The following PTCH1 variants were observed in gnomAD, a reference collection of about 807,000 sequenced individuals.
PTCH1 encodes the protein patched 1.
Under a neutral mutation model 144.6 loss-of-function variants are expected in PTCH1, and 14 were observed. The ratio of observed to expected loss-of-function variants is 0.10; its 90% CI spans 0.06 to 0.15. The LOEUF is 0.15. Ranked by LOEUF, PTCH1 falls within the 10% of genes least tolerant of loss-of-function variation. PTCH1 has a pLI of 1.00. For missense variants in PTCH1, 1,623 were observed against 1,948.3 expected (o/e 0.83, Z 3.14); for synonymous variants, 833 against 793.6 (o/e 1.05, Z -0.83).
chr9:95,479,661 G>A (rs1269866115), intron 7 of PTCH1, among the ~76,000 whole-genome samples: 2 of 152,188 alleles, frequency 1.3e-5, no homozygotes, highest in Non-Finnish European at 2.9e-5. Context: ...TCTCTGACCA[G>A]TGTGTCCCGG....
intron 2 of PTCH1, among the ~76,000 whole-genome samples, chr9:95,497,544 GT>G (rs1842871372): frequency 1.3e-5 from 2 of 152,178 alleles, no homozygotes; most frequent in Non-Finnish European, 2.9e-5. Context: ...CACGGAGGAG[GT>G]CATCTTGGAG....
Position 95,449,039 on chromosome 9 carries a change from C to A in PTCH1, c.3804+30G>T. 1 of 1,612,884 alleles carries A rather than the reference C, an allele frequency of 6.2e-7. No homozygotes were observed. Among genetic ancestry groups the A allele is most frequent in the Admixed American group, 1.7e-5 (1 of 60,008 alleles). ...AGGCCCACTACCACGGTGGGAAGAC[C>A]CCTCCCCCTGGTTCTGCAGAGTCAC... On this transcript the variant is annotated intron_variant, in intron 22 of 23. Coordinates refer to ENST00000331920, the MANE Select transcript of PTCH1 (RefSeq NM_000264.5). The surrounding 1 kb of genome is among the most constrained non-coding windows in gnomAD (Gnocchi z 5.3).
In PTCH1 at chr9:95,476,010, C is replaced by T; in HGVS notation, c.1728+24G>A. ...GTCAGTGCCCCGTTCAGGATCACCA[C>T]AGCCTTCATCACCAGAAGCTCACCT... On this transcript the variant is annotated intron_variant, in intron 12 of 23. Transcript: ENST00000331920. This position sits in a 1 kb window ranked among gnomAD's most constrained non-coding sequence, Gnocchi z 4.6. 6.2e-7 allele frequency: 1 copy of T among 1,612,934 alleles called. No individual in the cohort carries two copies. Among genetic ancestry groups the T allele is most frequent in the Non-Finnish European group, 8.5e-7 (1 of 1,180,030 alleles).
chr9:95,462,212 G>C (rs780787845), intron 15 of PTCH1, among the ~76,000 whole-genome samples: 15 of 152,132 alleles, frequency 9.9e-5, no homozygotes, highest in Admixed American at 2.0e-4. Context: ...AAGGGGGGAA[G>C]GAGATTATCT....
In PTCH1 at chr9:95,480,605, G is replaced by A. The variant is rs1841460679; in HGVS notation, c.747-17C>T. 6.2e-7 allele frequency: 1 copy of A among 1,606,974 alleles called. No homozygotes were observed. The highest frequency in any genetic ancestry group is 1.3e-5 in the African/African-American group (1 of 74,760). On this transcript the variant is annotated splice_polypyrimidine_tract_variant and intron_variant, in intron 5 of 23. Coordinates refer to ENST00000331920, the MANE Select transcript of PTCH1 (RefSeq NM_000264.5). The stretch of plus-strand genomic sequence containing the variant: ...GGTTTACCTCTGCAAAAGAAATTAG[G>A]AGACGAGACCATGAAAAGAGCCTTC...
rs1033231085 is a variant in PTCH1 at position 95,459,870 on chromosome 9, G to A, written c.2704-87C>T. 152 of 1,394,136 alleles carry A rather than the reference G, an allele frequency of 1.1e-4. No homozygotes were observed. The African/African-American group carries it at 1.4e-3, about 13-fold the overall frequency. 86.4% of individuals were successfully genotyped at this position (1,394,136 alleles called of 1,614,324 possible). On this transcript the variant is annotated intron_variant, in intron 16 of 23. Coordinates refer to ENST00000331920, the MANE Select transcript of PTCH1 (RefSeq NM_000264.5). ...CTTGAGAGCACAGAAGCTGAGCTTC[G>A]CACAGCATTACAACAAAGAATAGAA...
chr9:95,494,530 A>G, intron 2 of PTCH1: 1 of 876,330 alleles, frequency 1.1e-6, no homozygotes, highest in Non-Finnish European at 1.4e-6. Flanking sequence ...GTACTTTCCA[A>G]GCTGGGAACT....
At chr9:95,496,741 T>C (rs544321317) in intron 2 of PTCH1, among the ~76,000 whole-genome samples, 2 of 152,282 alleles carry the variant, frequency 1.3e-5, no homozygotes, top group South Asian at 4.2e-4. Flanking sequence ...TTTTTACTTA[T>C]TACAACAATG....
At chr9:95,486,475 C>A (rs987744350) in intron 2 of PTCH1, among the ~76,000 whole-genome samples, 1 of 152,266 alleles carries the variant, frequency 6.6e-6, no homozygotes, top group Non-Finnish European at 1.5e-5. Context: ...CATGGGCAGT[C>A]CCTGGAACCT....
At chr9:95,491,148 A>G (rs1842378779) in intron 2 of PTCH1, among the ~76,000 whole-genome samples, 1 of 152,218 alleles carries the variant, frequency 6.6e-6, no homozygotes, top group Non-Finnish European at 1.5e-5. Context: ...GACACAAAAT[A>G]ACGTTTTATA....
At chr9:95,460,476 T>C (rs1037742986) in intron 16 of PTCH1, among the ~76,000 whole-genome samples, 8 of 152,186 alleles carry the variant, frequency 5.3e-5, no homozygotes, top group African/African-American at 1.9e-4. Flanking sequence ...ACGTTTTATA[T>C]ACATAGAAAA....
intron 2 of PTCH1, among the ~76,000 whole-genome samples, chr9:95,486,152 G>T (rs1242786726): frequency 6.6e-6 from 1 of 152,118 alleles, no homozygotes; most frequent in East Asian, 1.9e-4. Context: ...GTGGGGGGCA[G>T]AAAGGAAAAC....
At chr9:95,491,459 C>G (rs1340951787) in intron 2 of PTCH1, among the ~76,000 whole-genome samples, 1 of 152,196 alleles carries the variant, frequency 6.6e-6, no homozygotes, top group Non-Finnish European at 1.5e-5. Context: ...TGAAATTTCC[C>G]AGACCCTTAC....
In PTCH1 at chr9:95,508,049, G is replaced by C. The variant is rs1025873682; in HGVS notation, c.201+112C>G. The stretch of plus-strand genomic sequence containing the variant: ...CCTGGAGAGGTGTGAGTGAGTGTGT[G>C]TGTGTGTGTGAGAGAGAGAGGAAGA... On this transcript the variant is annotated intron_variant, in intron 1 of 23. Coordinates refer to ENST00000331920, the MANE Select transcript of PTCH1 (RefSeq NM_000264.5). 19 of 1,554,162 alleles carry C rather than the reference G, an allele frequency of 1.2e-5. No individual in the cohort carries two copies. The African/African-American group carries it at 2.6e-4, about 21-fold the overall frequency.
chr9:95,456,827 A>G (rs952714081), intron 18 of PTCH1, among the ~76,000 whole-genome samples: 12 of 152,198 alleles, frequency 7.9e-5, no homozygotes, highest in African/African-American at 2.9e-4. Context: ...CCATCCGTGA[A>G]CCCATCATTA....
At chr9:95,503,419 C>G (rs1457616443) in intron 2 of PTCH1, 1 of 151,530 alleles carries the variant, frequency 6.6e-6, no homozygotes, top group African/African-American at 2.4e-5. Flanking sequence ...CAAACAAGAT[C>G]TCTACACAAT....
chr9:95,480,213 A>G (rs1841420887), intron 6 of PTCH1, 123 bp from the exon 7 acceptor site: 12 of 1,545,804 alleles, frequency 7.8e-6, no homozygotes, highest in Non-Finnish European at 1.1e-5. Flanking sequence ...GGCTAATGGG[A>G]GGTGTATGGC....
At chr9:95,509,986 C>A (rs1587704158), upstream of PTCH1, among the ~76,000 whole-genome samples, 2 of 149,604 alleles carry the variant, frequency 1.3e-5, no homozygotes, top group African/African-American at 4.9e-5. Flanking sequence ...CCCCCAGCCG[C>A]TTTCTCCCCC....
Position 95,506,451 on chromosome 9 carries a change from T to C in PTCH1, c.350A>G (p.Lys117Arg), listed in dbSNP as rs1234085004. Residue 117 changes from lysine (K) to arginine (R), a missense_variant, in exon 2 of 24, where the codon AAA becomes AGA. Physicochemically the swap from Lys to Arg is conservative, Grantham distance 26. Around this residue, in one of 7 missense-constraint regions of PTCH1, gnomAD observed 245 missense variants for 240.6 expected, o/e 1.02. Coordinates refer to ENST00000331920, the MANE Select transcript of PTCH1 (RefSeq NM_000264.5). ...LIFGAFAVGL[K>R]AANLETNVEE... ...CACGTTGGTCTCGAGGTTCGCTGCT[T>C]TTAATCCCACCGCGAAGGCCCCAAA... The C allele has an allele frequency of 6.2e-7, 1 of 1,612,936 alleles. No individual in the cohort carries two copies. Among genetic ancestry groups the C allele is most frequent in the Admixed American group, 1.7e-5 (1 of 59,942 alleles).
Sources: allele counts gnomAD v4.1 joint callset (sites outside exome capture counted in the v4.1 genomes callset), GRCh38; gene constraint gnomAD v4.1.1; regional missense constraint gnomAD v4.1.1; non-coding constraint Gnocchi (gnomAD v3.1); transcripts MANE v1.5; gene names NCBI Gene and HGNC (gene_info 2026-07-23, HGNC 2026-07-21).